CLSTN2: variants seen among roughly 807,000 people sequenced by gnomAD.
CLSTN2 encodes the protein calsyntenin 2.
A neutral mutation model predicts 101.2 loss-of-function variants in CLSTN2; 48 were observed. That is an observed-to-expected ratio of 0.47 (90% CI 0.38 to 0.60). The LOEUF (loss-of-function observed/expected upper bound fraction) is 0.60, where lower values mean the gene tolerates loss of function less well. Among genes scored for constraint, CLSTN2 ranks in the 20% least tolerant of loss-of-function variants. The probability of loss-of-function intolerance (pLI) is 0.00; values close to 1 mark genes in which losing one functional copy is unlikely to be tolerated. For missense variants in CLSTN2, 1,160 were observed against 1,238.2 expected (o/e 0.94, Z 0.95); for synonymous variants, 481 against 463.6 (o/e 1.04, Z -0.48).
chr3:140,374,789 C>T (rs1017088956), intron 2 of CLSTN2, among the ~76,000 whole-genome samples: 1 of 152,294 alleles, frequency 6.6e-6, no homozygotes, highest in East Asian at 1.9e-4. Flanking sequence ...ATAGCTTTCA[C>T]GTTAGTCTTA....
At chr3:140,065,488 T>C (rs1326213080) in intron 1 of CLSTN2, among the ~76,000 whole-genome samples, 2 of 152,216 alleles carry the variant, frequency 1.3e-5, no homozygotes, top group East Asian at 1.9e-4. Context: ...AGGAAGTTGA[T>C]TTATACAAAG....
At chr3:140,546,233 G>A (rs1408890532) in intron 9 of CLSTN2, among the ~76,000 whole-genome samples, 1 of 152,210 alleles carries the variant, frequency 6.6e-6, no homozygotes, top group Non-Finnish European at 1.5e-5. Context: ...TTTCACTCAC[G>A]AGAGCCCTCC....
At chr3:140,145,548 A>T (rs1424480811) in intron 1 of CLSTN2, among the ~76,000 whole-genome samples, 1 of 152,210 alleles carries the variant, frequency 6.6e-6, no homozygotes, top group Non-Finnish European at 1.5e-5. Flanking sequence ...ACTTAGAAGA[A>T]ATTTCTCTTG....
chr3:140,300,237 T>C (rs997517735), intron 2 of CLSTN2, among the ~76,000 whole-genome samples: 2 of 152,244 alleles, frequency 1.3e-5, no homozygotes, highest in African/African-American at 4.8e-5. Context: ...GATGCAGGGC[T>C]GGGCAGAGAT....
At chr3:140,262,152 CTG>C (rs1255531980) in intron 2 of CLSTN2, among the ~76,000 whole-genome samples, 1 of 152,078 alleles carries the variant, frequency 6.6e-6, no homozygotes, top group African/African-American at 2.4e-5. Flanking sequence ...TTTATATTTA[CTG>C]TGTTTATAAG....
At chr3:140,389,250 G>A (rs116024308) in intron 2 of CLSTN2, among the ~76,000 whole-genome samples, 27 of 152,248 alleles carry the variant, frequency 1.8e-4, no homozygotes, top group African/African-American at 6.3e-4. Context: ...CAGGTATTAA[G>A]CCCCACATGC....
At chr3:140,071,955 G>A (rs2008404958) in intron 1 of CLSTN2, among the ~76,000 whole-genome samples, 1 of 152,180 alleles carries the variant, frequency 6.6e-6, no homozygotes, top group Non-Finnish European at 1.5e-5. Context: ...TTATCTGTCA[G>A]ATTTGCTGAT....
intron 1 of CLSTN2, among the ~76,000 whole-genome samples, chr3:140,140,923 T>C (rs1313129582): frequency 6.6e-6 from 1 of 152,192 alleles, no homozygotes; most frequent in Non-Finnish European, 1.5e-5. Context: ...ACATAAAATA[T>C]TTTTTATGGC....
chr3:140,552,518 A>G (rs1935722370), intron 10 of CLSTN2, among the ~76,000 whole-genome samples: 1 of 152,014 alleles, frequency 6.6e-6, no homozygotes, highest in Admixed American at 6.6e-5. Context: ...CAGACCTCCC[A>G]ATGCTGTGGC....
chr3:140,321,003 AC>A (rs1310493005), intron 2 of CLSTN2, among the ~76,000 whole-genome samples: 1 of 152,184 alleles, frequency 6.6e-6, no homozygotes, highest in Non-Finnish European at 1.5e-5. Flanking sequence ...GTGGTACCAT[AC>A]AAAGGATGTG....
intron 2 of CLSTN2, among the ~76,000 whole-genome samples, chr3:140,249,702 T>C (rs928797172): frequency 5.9e-5 from 9 of 152,218 alleles, no homozygotes; most frequent in Admixed American, 1.3e-4. Context: ...GTTTAATATA[T>C]GCAAGGCTAT....
At chr3:140,194,155 G>C (rs979617870) in intron 2 of CLSTN2, among the ~76,000 whole-genome samples, 2 of 152,110 alleles carry the variant, frequency 1.3e-5, no homozygotes, top group Non-Finnish European at 2.9e-5. Context: ...CATACCCTAG[G>C]TGGCTAATAA....
chr3:140,351,986 G>A (rs551048767), intron 2 of CLSTN2, among the ~76,000 whole-genome samples: 1 of 152,254 alleles, frequency 6.6e-6, no homozygotes, highest in Admixed American at 6.5e-5. Flanking sequence ...TTTTCTTCCT[G>A]TAGAGAATAA....
intron 1 of CLSTN2, among the ~76,000 whole-genome samples, chr3:140,056,746 T>A (rs1163323853): frequency 2.0e-5 from 3 of 152,176 alleles, no homozygotes; most frequent in Admixed American, 1.3e-4. Flanking sequence ...AGGTCATATT[T>A]GGAGAAATTC....
chr3:140,116,028 G>A (rs1438709867), intron 1 of CLSTN2, among the ~76,000 whole-genome samples: 2 of 152,178 alleles, frequency 1.3e-5, no homozygotes, highest in Non-Finnish European at 2.9e-5. Flanking sequence ...AGAATGTCTG[G>A]TACATTGGTG....
rs201218358 is a variant in CLSTN2 at position 140,459,514 on chromosome 3, T to A, written c.974-7T>A. 2.3e-4 allele frequency: 369 copies of A among 1,613,408 alleles called. 2 individuals are homozygous for A. In the African/African-American group the frequency reaches 4.1e-3, roughly 18 times the overall value. ...CCTGTTATCCTTTCTTTCCTGACCC[T>A]CTGCAGGAGCCTCCTCTGGCATCAT... On this transcript the variant is annotated splice_polypyrimidine_tract_variant and splice_region_variant and intron_variant, in intron 6 of 16. Transcript: ENST00000458420.
At chr3:140,180,501 A>G (rs1394477794) in intron 2 of CLSTN2, among the ~76,000 whole-genome samples, 2 of 152,224 alleles carry the variant, frequency 1.3e-5, no homozygotes, top group Admixed American at 1.3e-4. Context: ...TTGAGTAATA[A>G]TGAAAATGCT....
chr3:140,422,145 A>C (rs1325078796), intron 5 of CLSTN2, among the ~76,000 whole-genome samples: 1 of 151,078 alleles, frequency 6.6e-6, no homozygotes, highest in East Asian at 1.9e-4. Flanking sequence ...GTGTGTCTTT[A>C]AGCTTCTGCC....
chr3:140,360,683 T>C (rs1433463814), intron 2 of CLSTN2, among the ~76,000 whole-genome samples: 2 of 152,202 alleles, frequency 1.3e-5, no homozygotes, highest in Non-Finnish European at 2.9e-5. Context: ...TCTGGGAATT[T>C]ATCAAAAGCA....
Sources: allele counts gnomAD v4.1 joint callset (sites outside exome capture counted in the v4.1 genomes callset), GRCh38; gene constraint gnomAD v4.1.1; transcripts MANE v1.5; gene names NCBI Gene and HGNC (gene_info 2026-07-23, HGNC 2026-07-21).